Variants in TENM3 observed in about 807,000 individuals in gnomAD.
TENM3 encodes the protein teneurin transmembrane protein 3.
TENM3 carries 63 observed loss-of-function variants against 255.1 expected under a neutral mutation model. That is an observed-to-expected ratio of 0.25 (90% CI 0.20 to 0.30). The LOEUF is 0.30. TENM3 is among the 10% of genes least tolerant of loss of function. The pLI is 1.00. For missense variants in TENM3, 2,929 were observed against 3,461.1 expected, an observed-to-expected ratio of 0.85 and a Z score of 3.86; for synonymous variants, 1,306 against 1,322.3, an observed-to-expected ratio of 0.99 and a Z score of 0.27.
At chr4:182,471,569 T>C (rs1733122894) in intron 3 of TENM3, among the ~76,000 whole-genome samples, 3 of 152,144 alleles carry the variant, frequency 2.0e-5, no homozygotes, top group East Asian at 1.9e-4. Context: ...TACAATCTTA[T>C]GAGACCAGCA....
intron 3 of TENM3, among the ~76,000 whole-genome samples, chr4:182,353,161 C>G (rs1025638424): frequency 6.6e-6 from 1 of 152,166 alleles, no homozygotes; most frequent in African/African-American, 2.4e-5. Flanking sequence ...TTTCACCTCA[C>G]TAGCATTATT....
the TENM3 span, among the ~76,000 whole-genome samples, chr4:182,074,465 G>C: frequency 6.6e-6 from 1 of 152,158 alleles, no homozygotes; most frequent in Non-Finnish European, 1.5e-5. Context: ...ACTTGTGGAA[G>C]GAATTTAAAG....
At chr4:181,978,595 C>T in the TENM3 span, among the ~76,000 whole-genome samples, 3 of 144,956 alleles carry the variant, frequency 2.1e-5, no homozygotes, top group East Asian at 4.1e-4. Context: ...TGCAGTAAGC[C>T]GAGATGGTGC....
intron 3 of TENM3, among the ~76,000 whole-genome samples, chr4:182,540,116 G>T (rs1740716090): frequency 6.6e-6 from 1 of 152,224 alleles, no homozygotes; most frequent in Non-Finnish European, 1.5e-5. Flanking sequence ...TGATTTGAAT[G>T]TAAACCTTTG....
At position 182,708,817 on chromosome 4, in the gene TENM3, T is replaced by A. The variant is rs551228639; in HGVS notation, c.2222-5270T>A. On this transcript the variant is annotated intron_variant, in intron 12 of 27. Transcript: ENST00000511685. ...CGTCTCAAAAAAAAAAAAAAAAAGATGTGAGACCCAGAAAAGAGTAAGACT... is the reference window on the plus strand; with the variant it reads ...CGTCTCAAAAAAAAAAAAAAAAAGAAGTGAGACCCAGAAAAGAGTAAGACT... Among the ~76,000 whole-genome samples, 172 of 144,336 alleles carry A rather than the reference T, an allele frequency of 1.2e-3. 1 individual carries two copies. The highest frequency in any genetic ancestry group is 1.8e-3 in the Non-Finnish European group (120 of 65,990). 94.7% of individuals were successfully genotyped at this position (144,336 alleles called of 152,430 possible).
intron 2 of TENM3, among the ~76,000 whole-genome samples, chr4:182,324,910 G>T (rs1183182201): frequency 1.3e-5 from 2 of 151,994 alleles, no homozygotes; most frequent in Non-Finnish European, 2.9e-5. Context: ...TTGGCCTGAG[G>T]ATGCTCCCAG....
At chr4:181,463,580 A>T in the TENM3 span, among the ~76,000 whole-genome samples, 2 of 152,218 alleles carry the variant, frequency 1.3e-5, no homozygotes, top group African/African-American at 4.8e-5. Flanking sequence ...CATGGATATC[A>T]ATTTTAAAAG....
At chr4:181,586,031 T>C in the TENM3 span, among the ~76,000 whole-genome samples, 1 of 152,284 alleles carries the variant, frequency 6.6e-6, no homozygotes, top group Middle Eastern at 3.4e-3. Flanking sequence ...CATTAGAATG[T>C]AGGGTTCAGA....
At chr4:182,193,664 A>G (rs146946599) in intron 1 of TENM3, among the ~76,000 whole-genome samples, 103 of 152,264 alleles carry the variant, frequency 6.8e-4, no homozygotes, top group African/African-American at 2.2e-3. Flanking sequence ...AAAAAGATTG[A>G]CATGTTTATT....
intron 3 of TENM3, among the ~76,000 whole-genome samples, chr4:182,363,846 G>A (rs2150802678): frequency 6.6e-6 from 1 of 152,242 alleles, no homozygotes; most frequent in South Asian, 2.1e-4. Context: ...GAGTGTTAAT[G>A]TTCACAAAGA....
At chr4:182,082,382 A>G in the TENM3 span, among the ~76,000 whole-genome samples, 1 of 152,320 alleles carries the variant, frequency 6.6e-6, no homozygotes, top group Middle Eastern at 3.4e-3. Flanking sequence ...TCATCTTGGG[A>G]GTCAGAATTT....
the TENM3 span, among the ~76,000 whole-genome samples, chr4:181,586,096 T>C: frequency 1.3e-5 from 2 of 152,076 alleles, no homozygotes; most frequent in Non-Finnish European, 2.9e-5. Context: ...TTTAACTAGG[T>C]GGGATGGAGG....
In TENM3 at chr4:182,802,602, A is replaced by G. The variant is rs1217695892; in HGVS notation, c.*2251A>G. On this transcript the variant is annotated 3_prime_UTR_variant, in exon 28 of 28. Transcript: ENST00000511685. ...CTGGTCTTCACTCGGGCACCGATAAATAACAGATTTGGAGTATCTCCTGGT... is the reference window on the plus strand; with the variant it reads ...CTGGTCTTCACTCGGGCACCGATAAGTAACAGATTTGGAGTATCTCCTGGT... The G allele has an allele frequency of 6.6e-6, 1 of 152,658 alleles. No homozygotes were observed. The highest frequency in any genetic ancestry group is 1.5e-5 in the Non-Finnish European group (1 of 68,046). 9.5% of individuals were successfully genotyped at this position (152,658 alleles called of 1,614,324 possible). A position where few individuals can be genotyped will look rare whatever the true frequency, so the allele number is the denominator to read the frequency against.
rs1033410946 is a variant in TENM3, at chr4:182,152,947, A to G, written c.-76+8193A>G. Among the ~76,000 whole-genome samples, 3 of 152,000 alleles carry G rather than the reference A, an allele frequency of 2.0e-5. No homozygotes were observed. In the South Asian group the frequency reaches 6.2e-4, roughly 31 times the overall value. On this transcript the variant is annotated intron_variant, in intron 1 of 2. Coordinates refer to the TENM3 transcript ENST00000512480. ...TAGTTAAAAGTGCAGTCTCAAACAG[A>G]AAAGACCTAATTTTATATATTTTGA...
At chr4:181,822,957 C>T in the TENM3 span, among the ~76,000 whole-genome samples, 15 of 151,970 alleles carry the variant, frequency 9.9e-5, no homozygotes, top group African/African-American at 3.4e-4. Context: ...GACATACAAT[C>T]GTATGTGGCA....
chr4:181,480,054 A>G, the TENM3 span, among the ~76,000 whole-genome samples: 1 of 152,190 alleles, frequency 6.6e-6, no homozygotes, highest in Non-Finnish European at 1.5e-5. Flanking sequence ...AATAAAATTA[A>G]TTGATAGCTA....
intron 3 of TENM3, among the ~76,000 whole-genome samples, chr4:182,386,036 T>C (rs957624714): frequency 1.1e-4 from 16 of 152,358 alleles, no homozygotes; most frequent in Middle Eastern, 3.4e-3. Context: ...TGCTTTTTTA[T>C]GTGATAAGCA....
At chr4:182,521,215 T>C (rs1013720332) in intron 3 of TENM3, among the ~76,000 whole-genome samples, 1 of 152,248 alleles carries the variant, frequency 6.6e-6, no homozygotes. Context: ...CAAAGTGTTA[T>C]CTTTACAGGG....
intron 3 of TENM3, among the ~76,000 whole-genome samples, chr4:182,396,164 T>C (rs1441871444): frequency 6.6e-6 from 1 of 152,204 alleles, no homozygotes; most frequent in Non-Finnish European, 1.5e-5. Context: ...GCTGTTTTCT[T>C]ACTTTCTCAT....
Sources: allele counts gnomAD v4.1 joint callset (sites outside exome capture counted in the v4.1 genomes callset), GRCh38; gene constraint gnomAD v4.1.1; transcripts MANE v1.5; gene names NCBI Gene and HGNC (gene_info 2026-07-23, HGNC 2026-07-21).